Variants in ABLIM1 observed in about 807,000 individuals in gnomAD.
ABLIM1 encodes actin-binding LIM protein 1.
In ABLIM1, 40 loss-of-function variants were observed where a neutral mutation model predicts 107.0. The observed-to-expected ratio is 0.37, with a 90% CI of 0.29 to 0.49. The LOEUF is 0.49. ABLIM1 is among the 20% of genes least tolerant of loss of function. The probability of loss-of-function intolerance (pLI) is 0.97; values close to 1 mark genes in which losing one functional copy is unlikely to be tolerated. For synonymous variants in ABLIM1, 357 were observed against 357.3 expected (o/e 1.00, Z 0.01); for missense variants, 857 against 1,008.5 (o/e 0.85, Z 2.04).
At chr10:114,717,828 G>T (rs530509704) in intron 1 of ABLIM1, among the ~76,000 whole-genome samples, 5 of 150,370 alleles carry the variant, frequency 3.3e-5, no homozygotes, top group African/African-American at 1.2e-4. Flanking sequence ...CAGGAGGATC[G>T]CTTAAGCCTG....
chr10:114,800,668 T>G, the ABLIM1 span, among the ~76,000 whole-genome samples: 12 of 152,200 alleles, frequency 7.9e-5, no homozygotes, highest in African/African-American at 2.9e-4. Flanking sequence ...ATCCCAGCAC[T>G]CTGGGAGGCC....
intron 6 of ABLIM1, among the ~76,000 whole-genome samples, chr10:114,536,229 T>G (rs1296080376): frequency 4.5e-3 from 12 of 2,666 alleles, no homozygotes; most frequent in Admixed American, 0.039. Flanking sequence ...CTTTCTTTGT[T>G]TTTTTTTTTT....
At chr10:114,717,991 AAAGG>A (rs3061776) in intron 1 of ABLIM1, among the ~76,000 whole-genome samples, 13,588 of 86,666 alleles carry the variant, frequency 0.16, 1,398 homozygotes, top group East Asian at 0.44. Context: ...AGAAAGAAAG[AAAGG>A]AAGGAAGGAA....
At chr10:114,597,675 G>C (rs2075564916) in intron 2 of ABLIM1, among the ~76,000 whole-genome samples, 1 of 152,218 alleles carries the variant, frequency 6.6e-6, no homozygotes, top group South Asian at 2.1e-4. Flanking sequence ...GATGGCCTGA[G>C]AATACGAGGG....
At chr10:114,787,188 C>T in the ABLIM1 span, among the ~76,000 whole-genome samples, 43 of 151,388 alleles carry the variant, frequency 2.8e-4, no homozygotes, top group African/African-American at 9.9e-4. Context: ...CCGGCCGCCC[C>T]GTCTGAGAAG....
At chr10:114,632,719 G>A in intron 1 of ABLIM1, 1 of 985,350 alleles carries the variant, frequency 1.0e-6, no homozygotes, top group South Asian at 4.7e-5. Context: ...TATCCATGTA[G>A]GGGGGATTTT....
chr10:114,462,304 C>T (rs924910037), intron 12 of ABLIM1, among the ~76,000 whole-genome samples: 6 of 152,186 alleles, frequency 3.9e-5, no homozygotes, highest in Admixed American at 3.9e-4. Context: ...CAAGTTCGCA[C>T]CATTCTGGGA....
chr10:114,578,409 G>GT (rs35844913), intron 2 of ABLIM1, among the ~76,000 whole-genome samples: 35,353 of 141,246 alleles, frequency 0.25, 5,305 homozygotes, highest in African/African-American at 0.42. Flanking sequence ...ATTTTCTGTT[G>GT]TTTTTTTTTT....
chr10:114,436,775 C>T (rs2059461165), intron 22 of ABLIM1, among the ~76,000 whole-genome samples: 1 of 152,016 alleles, frequency 6.6e-6, no homozygotes, highest in South Asian at 2.1e-4. Flanking sequence ...GGGCTTCCTC[C>T]TGGCTGAGGA....
At position 114,612,298 on chromosome 10, in the gene ABLIM1, G is replaced by A. The variant is rs114869668; in HGVS notation, c.245-10337C>T. Among the ~76,000 whole-genome samples the A allele has an allele frequency of 3.6e-3, 554 of 152,246 alleles. 3 individuals carry two copies. The highest frequency in any genetic ancestry group is 0.013 in the African/African-American group (522 of 41,530). The stretch of plus-strand genomic sequence containing the variant: ...AGAATGAAGTTCAGCCCCTATCCTC[G>A]CTCTCACACCCTAGTTTGCTCTTCT... On this transcript the variant is annotated intron_variant, in intron 1 of 22. Coordinates refer to ENST00000533213, the MANE Select transcript of ABLIM1 (RefSeq NM_002313.7).
chr10:114,487,865 GT>G, intron 8 of ABLIM1, 92 bp downstream of exon 8: 1 of 1,493,418 alleles, frequency 6.7e-7, no homozygotes, highest in South Asian at 1.1e-5. Flanking sequence ...TCAGTAAAAA[GT>G]AATTTCACCT....
In ABLIM1 at chr10:114,552,516, G is replaced by C. The variant is rs187818848; in HGVS notation, c.674-4740C>G. Among the ~76,000 whole-genome samples the C allele has an allele frequency of 3.9e-4, 57 of 146,980 alleles. 1 individual carries two copies. Among genetic ancestry groups the C allele is most frequent in the Admixed American group, 2.1e-3 (31 of 14,688 alleles). The stretch of plus-strand genomic sequence containing the variant: ...GAAAAAAAAAAAAAAAAAGAGAAAA[G>C]CCTGACCTTAAACACTTGACCCTGA... On this transcript the variant is annotated intron_variant, in intron 4 of 22. Coordinates refer to ENST00000533213, the MANE Select transcript of ABLIM1 (RefSeq NM_002313.7).
upstream of ABLIM1, among the ~76,000 whole-genome samples, chr10:114,661,627 C>T (rs1045251475): frequency 7.2e-5 from 11 of 152,120 alleles, no homozygotes; most frequent in African/African-American, 2.4e-4. Context: ...GTTTTGTGAC[C>T]GTTTCTATGG....
In ABLIM1 at chr10:114,545,046, A is replaced by AGAG; in HGVS notation, c.852_853insCTC (p.Lys284_Cys285insLeu). ...GTGATAAACTGGTGACACGCCTCACATTTCACCCCAAAGAGTCCCTGGTAG... is the reference window on the plus strand; with the variant it reads ...GTGATAAACTGGTGACACGCCTCACAGAGTTTCACCCCAAAGAGTCCCTGGTAG... On this transcript the variant is annotated inframe_insertion, in exon 6 of 23. Coordinates refer to ENST00000533213, the MANE Select transcript of ABLIM1 (RefSeq NM_002313.7). 1 of 1,614,076 alleles carries AGAG rather than the reference A, an allele frequency of 6.2e-7. No individual in the cohort carries two copies. Among genetic ancestry groups the AGAG allele is most frequent in the Non-Finnish European group, 8.5e-7 (1 of 1,180,010 alleles).
At chr10:114,546,438 T>G (rs940697066) in intron 5 of ABLIM1, among the ~76,000 whole-genome samples, 2 of 151,872 alleles carry the variant, frequency 1.3e-5, no homozygotes, top group Non-Finnish European at 2.9e-5. Flanking sequence ...GGGTTGCAGG[T>G]GCCCACCACC....
chr10:114,762,740 A>G (rs565197345), intron 1 of ABLIM1, among the ~76,000 whole-genome samples: 1 of 152,250 alleles, frequency 6.6e-6, no homozygotes, highest in East Asian at 1.9e-4. Flanking sequence ...ATTTTTCTCA[A>G]TTTACAAAAC....
intron 1 of ABLIM1, among the ~76,000 whole-genome samples, chr10:114,756,079 T>C: frequency 1.2e-5 from 1 of 80,180 alleles, no homozygotes; most frequent in East Asian, 2.7e-4. Flanking sequence ...TGAGTGTGTT[T>C]GTGAGTGTGT....
intron 1 of ABLIM1, among the ~76,000 whole-genome samples, chr10:114,743,504 C>T (rs915359256): frequency 6.6e-6 from 1 of 152,154 alleles, no homozygotes; most frequent in Non-Finnish European, 1.5e-5. Context: ...GTTTTTTAAA[C>T]TCAATTTTAA....
chr10:114,784,562 G>A, the ABLIM1 span, among the ~76,000 whole-genome samples: 1 of 149,780 alleles, frequency 6.7e-6, no homozygotes, highest in East Asian at 2.0e-4. Context: ...AGCTATTCGG[G>A]AGGCTGAGGC....
Sources: allele counts gnomAD v4.1 joint callset (sites outside exome capture counted in the v4.1 genomes callset), GRCh38; gene constraint gnomAD v4.1.1; transcripts MANE v1.5; gene names NCBI Gene and HGNC (gene_info 2026-07-23, HGNC 2026-07-21).